The following ELAPOR2 variants were observed in gnomAD, a reference collection of about 807,000 sequenced individuals.
ELAPOR2 encodes the protein endosome/lysosome-associated apoptosis and autophagy regulator family member 2.
In ELAPOR2, 89 loss-of-function variants were observed where a neutral mutation model predicts 120.7. The ratio of observed to expected loss-of-function variants is 0.74; its 90% CI spans 0.62 to 0.88. The LOEUF (loss-of-function observed/expected upper bound fraction) is 0.88. Among genes scored for constraint, ELAPOR2 ranks in the 40% least tolerant of loss-of-function variants. The pLI is 0.00. For synonymous variants in ELAPOR2, 444 were observed against 444.9 expected (o/e 1.00, Z 0.03); for missense variants, 1,134 against 1,251.6 (o/e 0.91, Z 1.42).
At chr7:86,937,050 T>C (rs371078245) in intron 8 of ELAPOR2, among the ~76,000 whole-genome samples, 2 of 152,240 alleles carry the variant, frequency 1.3e-5, no homozygotes, top group South Asian at 2.1e-4. Context: ...GGTACCTCTC[T>C]GCATATATTT....
At position 86,986,345 on chromosome 7, in the gene ELAPOR2, C is replaced by T. The variant is rs1414882247; in HGVS notation, c.190-21321G>A. 2.1e-4 allele frequency among the ~76,000 whole-genome samples: 24 copies of T among 112,624 alleles called. No homozygotes were observed. In the South Asian group the frequency reaches 5.5e-3, roughly 26 times the overall value. 73.9% of individuals were successfully genotyped at this position (112,624 alleles called of 152,430 possible). A position where few individuals can be genotyped will look rare whatever the true frequency, so the allele number is the denominator to read the frequency against. ...TTGGGAGGCTGAGGCAGGAGAATGG[C>T]GTGAACCCGGGAGGCGGAGCTTGCA... On this transcript the variant is annotated intron_variant, in intron 1 of 21. Coordinates refer to ENST00000450689, the MANE Select transcript of ELAPOR2 (RefSeq NM_001142749.3).
intron 1 of ELAPOR2, among the ~76,000 whole-genome samples, chr7:86,988,615 T>A (rs1172625137): frequency 6.6e-6 from 1 of 152,142 alleles, no homozygotes; most frequent in Admixed American, 6.5e-5. Context: ...AACAAGTGTA[T>A]CCTAGGCAGT....
chr7:86,883,357 A>AT (rs1799512876), intron 21 of ELAPOR2, among the ~76,000 whole-genome samples: 1 of 152,216 alleles, frequency 6.6e-6, no homozygotes, highest in African/African-American at 2.4e-5. Flanking sequence ...CCTATATGAC[A>AT]TAATAGTTAA....
intron 1 of ELAPOR2, among the ~76,000 whole-genome samples, chr7:87,017,788 G>A (rs1000456920): frequency 6.6e-6 from 1 of 152,158 alleles, no homozygotes; most frequent in Non-Finnish European, 1.5e-5. Context: ...GGGCATAATG[G>A]TGTGTACCTG....
intron 1 of ELAPOR2, among the ~76,000 whole-genome samples, chr7:86,979,099 G>C (rs1184635634): frequency 1.4e-5 from 2 of 147,316 alleles, no homozygotes; most frequent in Non-Finnish European, 3.0e-5. Context: ...TATCACAAGA[G>C]TTGGATTTAC....
chr7:86,985,831 C>A (rs960742301), intron 1 of ELAPOR2, among the ~76,000 whole-genome samples: 1 of 151,654 alleles, frequency 6.6e-6, no homozygotes, highest in Non-Finnish European at 1.5e-5. Context: ...CCCCACCCCA[C>A]AACAGGCCCC....
At position 86,912,214 on chromosome 7, in the gene ELAPOR2, A is replaced by G. The variant is rs1461559036; in HGVS notation, c.2027T>C (p.Phe676Ser). The G allele has an allele frequency of 6.2e-7, 1 of 1,606,794 alleles. No individual in the cohort carries two copies. Among genetic ancestry groups the G allele is most frequent in the African/African-American group, 1.3e-5 (1 of 74,826 alleles). Residue 676 changes from phenylalanine to serine, a missense_variant, in exon 15 of 22, where the codon TTC becomes TCC. By Grantham distance (155) the Phe-to-Ser change is radical. Coordinates refer to ENST00000450689, the MANE Select transcript of ELAPOR2 (RefSeq NM_001142749.3). ...DHSVCYSDCF[F>S]YHEKENQSLH... is the part of the protein sequence containing the mutation. ...ACTCTGATTTTCTTTTTCATGGTAG[A>G]AAAAGCAGTCACTATAGCAAACCGA...
rs565437738 is a variant in ELAPOR2, at chr7:87,007,654, G to A, written c.190-42630C>T. 2.5e-3 allele frequency among the ~76,000 whole-genome samples: 382 copies of A among 152,286 alleles called. 6 individuals carry two copies. The highest frequency in any genetic ancestry group is 7.1e-4 in the Non-Finnish European group (48 of 68,016). On this transcript the variant is annotated intron_variant, in intron 1 of 21. Coordinates refer to ENST00000450689, the MANE Select transcript of ELAPOR2 (RefSeq NM_001142749.3). ...CAAGGAATCAGGGCTTCTTGGAGAA[G>A]AGAATAATTTGAGGGATGGGCAGGA...
At chr7:86,987,092 G>A (rs1185551689) in intron 1 of ELAPOR2, among the ~76,000 whole-genome samples, 1 of 151,886 alleles carries the variant, frequency 6.6e-6, no homozygotes, top group African/African-American at 2.4e-5. Flanking sequence ...ACAAGAAATG[G>A]GGAAAGGATT....
chr7:86,956,785 G>GA (rs982925706), intron 2 of ELAPOR2, among the ~76,000 whole-genome samples: 3 of 152,116 alleles, frequency 2.0e-5, no homozygotes, highest in Non-Finnish European at 4.4e-5. Context: ...AAGGCTTACA[G>GA]AAAAAAGACA....
At chr7:86,950,009 C>A (rs1380333342) in intron 2 of ELAPOR2, among the ~76,000 whole-genome samples, 1 of 152,150 alleles carries the variant, frequency 6.6e-6, no homozygotes, top group Non-Finnish European at 1.5e-5. Flanking sequence ...GTGCTTTTTC[C>A]CCCCAGACTG....
At chr7:86,973,463 G>C (rs553893915) in intron 1 of ELAPOR2, among the ~76,000 whole-genome samples, 3 of 152,060 alleles carry the variant, frequency 2.0e-5, no homozygotes, top group South Asian at 4.1e-4. Context: ...CTGTGTAACA[G>C]GTTCTCTTTC....
At chr7:86,979,286 C>T (rs1255732567) in intron 1 of ELAPOR2, among the ~76,000 whole-genome samples, 1 of 152,152 alleles carries the variant, frequency 6.6e-6, no homozygotes, top group Non-Finnish European at 1.5e-5. Flanking sequence ...AACACAACCA[C>T]TTCATGCATC....
In ELAPOR2 at chr7:86,912,126, G is replaced by A; in HGVS notation, c.2115C>T (p.Thr705=). Reference sequence around the variant, plus strand: ...AATGGAAGTATTTTGTTCCTTTGGAGGTGAAGCTGGGGCCATTCATTAATG... The same window carrying A: ...AATGGAAGTATTTTGTTCCTTTGGAAGTGAAGCTGGGGCCATTCATTAATG... ...VGSLMNGPSF[T]SKGTKYFHFF... Residue 705 remains threonine, a synonymous_variant, in exon 15 of 22, where the codon ACC becomes ACT. Transcript: ENST00000450689. The A allele has an allele frequency of 6.2e-7, 1 of 1,612,458 alleles. No individual in the cohort carries two copies.
chr7:86,911,758 A>G (rs1366409689), intron 15 of ELAPOR2: 2 of 512,250 alleles, frequency 3.9e-6, no homozygotes, highest in Non-Finnish European at 7.6e-6. Flanking sequence ...TTCCTGCCTA[A>G]AGAGGTAAGA....
intron 2 of ELAPOR2, 151 bp downstream of exon 2, chr7:86,964,753 A>T: frequency 1.5e-6 from 1 of 673,208 alleles, no homozygotes. Context: ...ACATCTAGTG[A>T]TGAGAAAGGC....
chr7:87,028,436 T>C (rs1453266544), intron 1 of ELAPOR2, among the ~76,000 whole-genome samples: 1 of 152,192 alleles, frequency 6.6e-6, no homozygotes, highest in African/African-American at 2.4e-5. Context: ...TGATGTGCCC[T>C]AGCACTTGGT....
At chr7:86,994,164 A>T (rs1583965315) in intron 1 of ELAPOR2, among the ~76,000 whole-genome samples, 1 of 152,216 alleles carries the variant, frequency 6.6e-6, no homozygotes, top group Non-Finnish European at 1.5e-5. Context: ...TTCAGTAATT[A>T]TCTGTCATAT....
In ELAPOR2 at chr7:87,043,909, A is replaced by G. The variant is rs564580190; in HGVS notation, c.189+15416T>C. On this transcript the variant is annotated intron_variant, in intron 1 of 21. Transcript: ENST00000450689. ...CTTAAGCTGATAAGCAACTTCAGCG[A>G]AGTCTCAGGATACAAAATCAGTGTA... is the stretch of plus-strand genomic sequence containing the variant. Among the ~76,000 whole-genome samples, 270 of 152,020 alleles carry G rather than the reference A, an allele frequency of 1.8e-3. 3 individuals are homozygous for G. The highest frequency in any genetic ancestry group is 6.2e-3 in the African/African-American group (255 of 41,286).
Sources: gnomAD v4.1 joint callset for allele counts (sites outside exome capture counted in the v4.1 genomes callset) on GRCh38, gnomAD v4.1.1 for gene constraint, MANE v1.5 for transcripts, NCBI Gene and HGNC (gene_info 2026-07-23, HGNC 2026-07-21) for gene names.